The following FBXL20 variants were observed in gnomAD, a reference collection of about 807,000 sequenced individuals.
The protein encoded by FBXL20 is F-box/LRR-repeat protein 20.
FBXL20 carries 11 observed loss-of-function variants against 64.0 expected under a neutral mutation model. The observed-to-expected ratio is 0.17, with a 90% confidence interval of 0.11 to 0.28. The LOEUF (loss-of-function observed/expected upper bound fraction) is 0.28. FBXL20 is among the 10% of genes least tolerant of loss of function. The pLI is 1.00. For synonymous variants in FBXL20, 184 were observed against 189.0 expected (o/e 0.97, Z 0.22); for missense variants, 303 against 526.2 (o/e 0.58, Z 4.15).
At chr17:39,365,420 G>A (rs942381433) in intron 1 of FBXL20, among the ~76,000 whole-genome samples, 3 of 152,062 alleles carry the variant, frequency 2.0e-5, no homozygotes, top group South Asian at 2.1e-4. Flanking sequence ...GTGCATTGCC[G>A]TCTCATGACT....
At chr17:39,298,325 C>G (rs2047104845) in intron 5 of FBXL20, among the ~76,000 whole-genome samples, 1 of 152,092 alleles carries the variant, frequency 6.6e-6, no homozygotes, top group South Asian at 2.1e-4. Context: ...CCTTGCCATG[C>G]TGCCTAGATT....
At chr17:39,315,067 G>T (rs2047272704) in intron 2 of FBXL20, among the ~76,000 whole-genome samples, 1 of 151,994 alleles carries the variant, frequency 6.6e-6, no homozygotes, top group South Asian at 2.1e-4. Flanking sequence ...AAAGTACTGG[G>T]ATTACAGGGT....
At position 39,258,069 on chromosome 17, in the gene FBXL20, T is replaced by G; in HGVS notation, c.*3391A>C. On this transcript the variant is annotated 3_prime_UTR_variant, in exon 15 of 15. Coordinates refer to ENST00000264658, the MANE Select transcript of FBXL20 (RefSeq NM_032875.3). Reference sequence around the variant, plus strand: ...CCACCTGTAGGTTTACGGCAGTAGTTTTGAGGGTACCTTCTAACTTATCCC... The same window carrying G: ...CCACCTGTAGGTTTACGGCAGTAGTGTTGAGGGTACCTTCTAACTTATCCC... The G allele has an allele frequency of 6.6e-6, 1 of 152,202 alleles. No individual in the cohort carries two copies. The highest frequency in any genetic ancestry group is 1.9e-4 in the East Asian group (1 of 5,194). 9.4% of individuals were successfully genotyped at this position (152,202 alleles called of 1,614,324 possible).
intron 6 of FBXL20, among the ~76,000 whole-genome samples, chr17:39,294,647 T>C (rs923658409): frequency 6.6e-6 from 1 of 152,140 alleles, no homozygotes. Context: ...CACTAAAATG[T>C]GGAAATTTGA....
intron 2 of FBXL20, among the ~76,000 whole-genome samples, chr17:39,338,346 A>C (rs936774200): frequency 1.4e-5 from 2 of 146,764 alleles, no homozygotes; most frequent in Admixed American, 6.8e-5. Flanking sequence ...CAGCATGCTC[A>C]TTAAGAGTCA....
intron 2 of FBXL20, 60 bp downstream of exon 2, chr17:39,343,120 T>G (rs1045643005): frequency 1.5e-6 from 2 of 1,310,938 alleles, no homozygotes; most frequent in African/African-American, 3.0e-5. Flanking sequence ...TTAAAAAATT[T>G]TAAACAGGCA....
At chr17:39,376,488 C>T (rs764465927) in intron 1 of FBXL20, among the ~76,000 whole-genome samples, 1 of 152,194 alleles carries the variant, frequency 6.6e-6, no homozygotes, top group Admixed American at 6.5e-5. Context: ...GCATGCCCAG[C>T]ATTGTGCACA....
chr17:39,306,051 G>C (rs147738266), intron 2 of FBXL20, among the ~76,000 whole-genome samples: 2 of 151,950 alleles, frequency 1.3e-5, no homozygotes, highest in East Asian at 1.9e-4. Flanking sequence ...TGTAGTTCCA[G>C]CTACTTGGGA....
At chr17:39,315,145 C>G (rs1393920758) in intron 2 of FBXL20, among the ~76,000 whole-genome samples, 1 of 152,038 alleles carries the variant, frequency 6.6e-6, no homozygotes, top group Non-Finnish European at 1.5e-5. Flanking sequence ...GTTGGCCAGG[C>G]TGGTCTCGAA....
At chr17:39,379,730 A>G (rs931251844) in intron 1 of FBXL20, among the ~76,000 whole-genome samples, 3 of 152,128 alleles carry the variant, frequency 2.0e-5, no homozygotes, top group African/African-American at 7.2e-5. Flanking sequence ...GCAGTGAGCT[A>G]TGATTGTACC....
intron 3 of FBXL20, 99 bp from the exon 4 acceptor site, chr17:39,301,174 T>C (rs1197699861): frequency 3.6e-5 from 38 of 1,067,946 alleles, no homozygotes; most frequent in Admixed American, 2.9e-4. Context: ...ATGACTAAAA[T>C]GGATCCAAAA....
intron 1 of FBXL20, among the ~76,000 whole-genome samples, chr17:39,358,544 G>T (rs1030618209): frequency 6.6e-6 from 1 of 152,032 alleles, no homozygotes; most frequent in African/African-American, 2.4e-5. Flanking sequence ...TTATCCGGGC[G>T]TGGTGGCGTA....
At chr17:39,281,549 C>A in intron 8 of FBXL20, 86 bp from the exon 9 acceptor site, 2 of 1,092,534 alleles carry the variant, frequency 1.8e-6, no homozygotes, top group South Asian at 1.4e-5. Context: ...TTCATTCATA[C>A]ATTCTAATAC....
chr17:39,307,788 T>C (rs943747338), intron 2 of FBXL20, among the ~76,000 whole-genome samples: 2 of 151,512 alleles, frequency 1.3e-5, no homozygotes, highest in South Asian at 2.1e-4. Context: ...CTGGCCAACA[T>C]GGTGAAACTC....
chr17:39,328,248 CAAAAAAAAAAAAAA>C (rs141259755), intron 2 of FBXL20, among the ~76,000 whole-genome samples: 630 of 55,154 alleles, frequency 0.011, 11 homozygotes, highest in South Asian at 0.015. Flanking sequence ...AACTCTGCCT[CAAAAAAAAAAAAAA>C]AAAAAAAAAA....
rs147704462 is a variant in FBXL20, at chr17:39,287,473, T to C, written c.399-1900A>G. On this transcript the variant is annotated intron_variant, in intron 6 of 14. Transcript: ENST00000264658. The stretch of plus-strand genomic sequence containing the variant: ...CCCTGGCTGGAATGCAGTGGCACTA[T>C]CATAACTCAATGTAACCTCCAACTC... 2.6e-5 allele frequency among the ~76,000 whole-genome samples: 4 copies of C among 152,222 alleles called. No homozygotes were observed. In the East Asian group the frequency reaches 7.7e-4, roughly 29 times the overall value.
chr17:39,397,995 C>T (rs1016776887), intron 1 of FBXL20, among the ~76,000 whole-genome samples: 7 of 131,792 alleles, frequency 5.3e-5, no homozygotes, highest in Admixed American at 1.8e-4. Flanking sequence ...TAGCCGGGTG[C>T]GGTGGCTCAC....
chr17:39,306,691 AT>A (rs1464572578), intron 2 of FBXL20, among the ~76,000 whole-genome samples: 29 of 152,292 alleles, frequency 1.9e-4, no homozygotes, highest in African/African-American at 6.3e-4. Flanking sequence ...TGATTGAAAT[AT>A]TTGCATGATG....
chr17:39,261,260 C>T lies in FBXL20; in HGVS notation c.*200G>A. 1.9e-6 allele frequency: 1 copy of T among 519,176 alleles called. No homozygotes were observed. Among genetic ancestry groups the T allele is most frequent in the Non-Finnish European group, 3.5e-6 (1 of 287,650 alleles). The allele number at this position is 519,176 out of a possible 1,614,324, so 32.2% of individuals were successfully genotyped here. A position where few individuals can be genotyped will look rare whatever the true frequency, so the allele number is the denominator to read the frequency against. The stretch of plus-strand genomic sequence containing the variant: ...TAAAAAAGCCATCACAAACTTCAGT[C>T]CCATGGTCACAAAGCTAGAGTGGAT... On this transcript the variant is annotated 3_prime_UTR_variant, in exon 15 of 15. Coordinates refer to ENST00000264658, the MANE Select transcript of FBXL20 (RefSeq NM_032875.3).
Sources: gnomAD v4.1 joint callset for allele counts (sites outside exome capture counted in the v4.1 genomes callset) on GRCh38, gnomAD v4.1.1 for gene constraint, MANE v1.5 for transcripts, NCBI Gene and HGNC (gene_info 2026-07-23, HGNC 2026-07-21) for gene names.